EPS15: variants seen among roughly 807,000 people sequenced by gnomAD.
EPS15 encodes the protein epidermal growth factor receptor substrate 15.
A neutral mutation model predicts 113.8 loss-of-function variants in EPS15; 72 were observed. The ratio of observed to expected loss-of-function variants is 0.63; its 90% CI spans 0.52 to 0.77. The LOEUF is 0.77. Ranked by LOEUF, EPS15 falls within the 30% of genes least tolerant of loss-of-function variation. EPS15 has a pLI of 0.00. For missense variants in EPS15, 1,048 were observed against 1,045.8 expected (o/e 1.00, Z -0.03); for synonymous variants, 344 against 363.4 (o/e 0.95, Z 0.61).
In EPS15 at chr1:51,512,179, AC is replaced by A. The variant is rs1327672283; in HGVS notation, c.33+7019del. 6.6e-5 allele frequency among the ~76,000 whole-genome samples: 10 copies of A among 152,294 alleles called. No individual in the cohort carries two copies. In the East Asian group the frequency reaches 1.9e-3, roughly 29 times the overall value. The stretch of plus-strand genomic sequence containing the variant: ...CCAGCTTTTAACAAATTGGGAAACT[AC>A]AGGAGTAGCTAAAGAAAATAAGTCA... On this transcript the variant is annotated intron_variant, in intron 1 of 24. Transcript: ENST00000371733.
intron 16 of EPS15, among the ~76,000 whole-genome samples, chr1:51,404,658 A>G (rs1162579885): frequency 1.3e-5 from 2 of 152,192 alleles, no homozygotes; most frequent in Admixed American, 6.5e-5. Context: ...AAATTCTTCA[A>G]TGGCTGTTCA....
At position 51,468,610 on chromosome 1, in the gene EPS15, A is replaced by G. The variant is rs201069812; in HGVS notation, c.214-42T>C. The G allele has an allele frequency of 4.1e-6, 5 of 1,224,760 alleles. No individual in the cohort carries two copies. The Admixed American group carries it at 8.9e-5, about 22-fold the overall frequency. 75.9% of individuals were successfully genotyped at this position (1,224,760 alleles called of 1,614,324 possible). Reference sequence around the variant, plus strand: ...TGAATGTTAAGAGCATTCTCCCTCTACCAACTTACCTACCTGCACAAATAC... The same window carrying G: ...TGAATGTTAAGAGCATTCTCCCTCTGCCAACTTACCTACCTGCACAAATAC... On this transcript the variant is annotated intron_variant, in intron 4 of 24. Transcript: ENST00000371733.
chr1:51,409,498 G>A (rs781187704), intron 14 of EPS15, 37 bp downstream of exon 14: 29 of 1,560,656 alleles, frequency 1.9e-5, no homozygotes, highest in South Asian at 8.2e-5. Context: ...AGCAACTAAT[G>A]TATAGGTGCA....
At chr1:51,500,457 G>T (rs1644392745) in intron 1 of EPS15, among the ~76,000 whole-genome samples, 1 of 151,830 alleles carries the variant, frequency 6.6e-6, no homozygotes, top group South Asian at 2.1e-4. Context: ...ATATTTGCTA[G>T]TTACTGGTTT....
intron 1 of EPS15, among the ~76,000 whole-genome samples, chr1:51,500,142 CA>C (rs1230022102): frequency 5.3e-5 from 8 of 152,170 alleles, no homozygotes; most frequent in African/African-American, 1.7e-4. Context: ...TCTTAAGAGT[CA>C]AAAATACTCC....
chr1:51,504,177 C>T (rs1424267640), intron 1 of EPS15, among the ~76,000 whole-genome samples: 1 of 152,052 alleles, frequency 6.6e-6, no homozygotes, highest in Non-Finnish European at 1.5e-5. Flanking sequence ...CTCTGGGAGG[C>T]GAAAGCGAGC....
intron 20 of EPS15, 48 bp from the exon 21 acceptor site, chr1:51,394,495 G>A: frequency 1.7e-6 from 2 of 1,154,098 alleles, no homozygotes; most frequent in Non-Finnish European, 2.5e-6. Context: ...ACACTTCACA[G>A]CTGAAACCTC....
chr1:51,417,919 G>A (rs1650390490), intron 13 of EPS15, among the ~76,000 whole-genome samples: 1 of 152,142 alleles, frequency 6.6e-6, no homozygotes, highest in African/African-American at 2.4e-5. Flanking sequence ...ATCATTAATG[G>A]TGGCAGTGAG....
chr1:51,415,664 C>T (rs765567433), intron 13 of EPS15, among the ~76,000 whole-genome samples: 7 of 151,498 alleles, frequency 4.6e-5, no homozygotes, highest in Non-Finnish European at 7.4e-5. Flanking sequence ...GGCGTGGTGG[C>T]GGATGCCTGT....
intron 1 of EPS15, among the ~76,000 whole-genome samples, chr1:51,508,358 A>AAGAAAG (rs947368547): frequency 1.3e-5 from 2 of 150,518 alleles, no homozygotes; most frequent in Non-Finnish European, 1.5e-5. Flanking sequence ...GAAAGAAAGA[A>AAGAAAG]AGAAAGAAAG....
chr1:51,489,052 A>G (rs1339177109), intron 1 of EPS15, among the ~76,000 whole-genome samples: 1 of 151,874 alleles, frequency 6.6e-6, no homozygotes, highest in African/African-American at 2.4e-5. Context: ...TGAAGCTCCT[A>G]CAGCACTCTA....
chr1:51,419,766 C>T (rs549629307), intron 13 of EPS15, among the ~76,000 whole-genome samples: 3 of 152,202 alleles, frequency 2.0e-5, no homozygotes, highest in Admixed American at 6.5e-5. Context: ...TTCCAGTCTA[C>T]ATCTCAGTAC....
chr1:51,433,987 T>C (rs1229540416), intron 12 of EPS15, among the ~76,000 whole-genome samples: 1 of 152,252 alleles, frequency 6.6e-6, no homozygotes, highest in Non-Finnish European at 1.5e-5. Context: ...GGCATTTTAC[T>C]GTCACAGCAA....
chr1:51,386,249 G>A (rs1416086095), intron 21 of EPS15, among the ~76,000 whole-genome samples: 1 of 152,066 alleles, frequency 6.6e-6, no homozygotes, highest in Non-Finnish European at 1.5e-5. Context: ...ATTTCTAATA[G>A]GATGAAAAGG....
chr1:51,444,742 G>A (rs916596246), intron 11 of EPS15, 147 bp downstream of exon 11: 241 of 657,418 alleles, frequency 3.7e-4, no homozygotes, highest in Non-Finnish European at 5.5e-4. Flanking sequence ...CATATTTATA[G>A]GCACAAACTA....
At chr1:51,488,485 A>AC (rs1644166880) in intron 1 of EPS15, among the ~76,000 whole-genome samples, 1 of 150,716 alleles carries the variant, frequency 6.6e-6, no homozygotes, top group African/African-American at 2.4e-5. Flanking sequence ...AAAAAAAAAA[A>AC]AAAAAAAAAA....
Position 51,444,007 on chromosome 1 carries a change from T to C in EPS15, c.954+882A>G, listed in dbSNP as rs186199136. On this transcript the variant is annotated intron_variant, in intron 11 of 24. Transcript: ENST00000371733. Reference sequence around the variant, plus strand: ...ATTTTTAAGAACCATGTGACAAAATTAATGCAAAACCCAAAATATTCTATG... The same window carrying C: ...ATTTTTAAGAACCATGTGACAAAATCAATGCAAAACCCAAAATATTCTATG... Among the ~76,000 whole-genome samples, 7 of 152,182 alleles carry C rather than the reference T, an allele frequency of 4.6e-5. No homozygotes were observed. The East Asian group carries it at 1.2e-3, about 25-fold the overall frequency.
chr1:51,386,879 A>C (rs1022491292), intron 21 of EPS15, among the ~76,000 whole-genome samples: 2 of 152,204 alleles, frequency 1.3e-5, no homozygotes, highest in Non-Finnish European at 2.9e-5. Context: ...AATGGAACCA[A>C]GTTGGAAAAC....
intron 21 of EPS15, chr1:51,372,581 A>G (rs904288901): frequency 2.1e-5 from 11 of 522,780 alleles, no homozygotes; most frequent in Non-Finnish European, 4.2e-5. Context: ...TAACATTGCC[A>G]TCAATGAACT....
Sources: gnomAD v4.1 joint callset for allele counts (sites outside exome capture counted in the v4.1 genomes callset) on GRCh38, gnomAD v4.1.1 for gene constraint, MANE v1.5 for transcripts, NCBI Gene and HGNC (gene_info 2026-07-23, HGNC 2026-07-21) for gene names.